The following RLN2 variants were observed in gnomAD, a reference collection of about 807,000 sequenced individuals.
RLN2 encodes the protein relaxin 2.
RLN2 carries 10 observed loss-of-function variants against 7.3 expected under a neutral mutation model. That is an observed-to-expected ratio of 1.36 (90% CI 0.84 to 2.31). The LOEUF is 2.31. Ranked by LOEUF, RLN2 falls within the 30% of genes most tolerant of loss-of-function variation. RLN2 has a pLI of 0.00. For synonymous variants in RLN2, 103 were observed against 82.3 expected, an observed-to-expected ratio of 1.25 and a Z score of -1.36; for missense variants, 298 against 217.6, an observed-to-expected ratio of 1.37 and a Z score of -2.32.
the RLN2 span, chr9:5,311,514 A>G: frequency 2.8e-6 from 2 of 714,104 alleles, no homozygotes; most frequent in Non-Finnish European, 5.1e-6. Flanking sequence ...ACCACAGAGA[A>G]GATCATGAGG....
the RLN2 span, chr9:5,335,180 C>G: frequency 2.3e-6 from 2 of 865,714 alleles, no homozygotes; most frequent in Non-Finnish European, 3.5e-6. Context: ...TGGGACCTGA[C>G]AGAAGCATCA....
the RLN2 span, among the ~76,000 whole-genome samples, chr9:5,324,770 G>A: frequency 1.3e-5 from 2 of 152,070 alleles, no homozygotes; most frequent in South Asian, 4.1e-4. Context: ...ACAGAGGCTG[G>A]CGTATTATTA....
the RLN2 span, among the ~76,000 whole-genome samples, chr9:5,320,813 T>C: frequency 5.2e-4 from 79 of 152,206 alleles, no homozygotes; most frequent in East Asian, 3.9e-3. Flanking sequence ...GGAAGAAAGA[T>C]AGTTCTGTCT....
the RLN2 span, among the ~76,000 whole-genome samples, chr9:5,315,816 A>C: frequency 7.2e-5 from 11 of 152,180 alleles, no homozygotes; most frequent in East Asian, 2.1e-3. Flanking sequence ...GAAAGAAAAA[A>C]ATTTTCAGGT....
the RLN2 span, among the ~76,000 whole-genome samples, chr9:5,310,789 T>C: frequency 6.6e-6 from 1 of 152,116 alleles, no homozygotes. Flanking sequence ...GTATCATTGC[T>C]GTCATTTATG....
the RLN2 span, among the ~76,000 whole-genome samples, chr9:5,327,636 G>A: frequency 6.6e-6 from 1 of 151,952 alleles, no homozygotes; most frequent in Admixed American, 6.6e-5. Flanking sequence ...AGCCTGACTG[G>A]GAAACACCTC....
At chr9:5,320,685 T>C in the RLN2 span, among the ~76,000 whole-genome samples, 5 of 152,092 alleles carry the variant, frequency 3.3e-5, no homozygotes, top group Non-Finnish European at 7.4e-5. Flanking sequence ...AAAAATAATT[T>C]AAATGAAACA....
the RLN2 span, among the ~76,000 whole-genome samples, chr9:5,315,718 T>C: frequency 2.6e-5 from 4 of 152,050 alleles, no homozygotes; most frequent in African/African-American, 7.3e-5. Context: ...TCAAATCATA[T>C]ATGAGAGGAT....
the RLN2 span, chr9:5,311,843 T>C: frequency 5.3e-6 from 3 of 568,210 alleles, no homozygotes; most frequent in African/African-American, 3.8e-5. Flanking sequence ...TTTTTTATTA[T>C]ACCTTAAGTT....
chr9:5,332,604 G>C, the RLN2 span, among the ~76,000 whole-genome samples: 2 of 149,148 alleles, frequency 1.3e-5, no homozygotes, highest in Non-Finnish European at 3.0e-5. Context: ...AGCAAGTTGA[G>C]GGGTCACTGA....
rs763001937 is a variant in RLN2 at position 5,304,596 on chromosome 9, T to C, written c.-16A>G. The C allele has an allele frequency of 6.2e-7, 1 of 1,612,600 alleles. No homozygotes were observed. Among genetic ancestry groups the C allele is most frequent in the South Asian group, 1.1e-5 (1 of 91,016 alleles). ...GGCGAGGCATCCTGGGCCTGGTCTCTCCTGGAGGTCGGGACGTTGCAGCCT... is the reference window on the plus strand; with the variant it reads ...GGCGAGGCATCCTGGGCCTGGTCTCCCCTGGAGGTCGGGACGTTGCAGCCT... On this transcript the variant is annotated 5_prime_UTR_variant, in exon 1 of 2. Coordinates refer to ENST00000381627, the MANE Select transcript of RLN2 (RefSeq NM_134441.3).
At chr9:5,332,839 A>G in the RLN2 span, among the ~76,000 whole-genome samples, 1 of 151,558 alleles carries the variant, frequency 6.6e-6, no homozygotes, top group Admixed American at 6.6e-5. Context: ...ATGGTCTCGA[A>G]CTCCTGACCT....
upstream of RLN2, among the ~76,000 whole-genome samples, chr9:5,307,527 A>G (rs1487139691): frequency 6.6e-6 from 1 of 151,808 alleles, no homozygotes; most frequent in Non-Finnish European, 1.5e-5. Flanking sequence ...ATATATTGAA[A>G]AGCAGTGAAT....
upstream of RLN2, among the ~76,000 whole-genome samples, chr9:5,307,473 G>A (rs1030719041): frequency 2.6e-5 from 4 of 151,926 alleles, no homozygotes; most frequent in African/African-American, 9.7e-5. Context: ...GTTTATACTA[G>A]ATGGTTTACC....
the RLN2 span, among the ~76,000 whole-genome samples, chr9:5,326,210 A>T: frequency 6.6e-6 from 1 of 152,154 alleles, no homozygotes; most frequent in Non-Finnish European, 1.5e-5. Context: ...TTATAACAAA[A>T]ACACAAACAT....
At position 5,299,947 on chromosome 9, in the gene RLN2, A is replaced by G. The variant is rs1285115418; in HGVS notation, c.*151T>C. 2 of 474,492 alleles carry G rather than the reference A, an allele frequency of 4.2e-6. No homozygotes were observed. Among genetic ancestry groups the G allele is most frequent in the African/African-American group, 4.0e-5 (2 of 50,244 alleles). 29.4% of individuals were successfully genotyped at this position (474,492 alleles called of 1,614,324 possible). A position where few individuals can be genotyped will look rare whatever the true frequency, so the allele number is the denominator to read the frequency against. ...TAAAAAAATCTAAACATCAACAAAGATGTTTAGATATTCTAAGAATTGATG... is the reference window on the plus strand; with the variant it reads ...TAAAAAAATCTAAACATCAACAAAGGTGTTTAGATATTCTAAGAATTGATG... On this transcript the variant is annotated 3_prime_UTR_variant, in exon 2 of 2. Coordinates refer to ENST00000381627, the MANE Select transcript of RLN2 (RefSeq NM_134441.3).
chr9:5,304,672 C>G lies in RLN2; in HGVS notation c.-92G>C. On this transcript the variant is annotated 5_prime_UTR_variant, in exon 1 of 2. Coordinates refer to ENST00000381627, the MANE Select transcript of RLN2 (RefSeq NM_134441.3). The stretch of plus-strand genomic sequence containing the variant: ...ACACACCTGGGCCTGTGTGCCTGTC[C>G]CGGGCTTTAGGCTGCTTTCCCTACC... 4 of 1,353,706 alleles carry G rather than the reference C, an allele frequency of 3.0e-6. No individual in the cohort carries two copies. The highest frequency in any genetic ancestry group is 4.2e-6 in the Non-Finnish European group (4 of 956,496). The allele number at this position is 1,353,706 out of a possible 1,614,324, so 83.9% of individuals were successfully genotyped here. A position where few individuals can be genotyped will look rare whatever the true frequency, so the allele number is the denominator to read the frequency against.
chr9:5,301,084 T>C lies in RLN2; in HGVS notation c.212-640A>G, dbSNP rs148074673. ...TAGTATTTTATATGAAAGAGAGAAG[T>C]GGGTTAAAAGAACACTAACCAAAAA... On this transcript the variant is annotated intron_variant, in intron 1 of 1. Transcript: ENST00000381627. Among the ~76,000 whole-genome samples, 176 of 152,298 alleles carry C rather than the reference T, an allele frequency of 1.2e-3. 1 individual carries two copies. The highest frequency in any genetic ancestry group is 3.9e-3 in the African/African-American group (164 of 41,556).
chr9:5,333,819 C>T, the RLN2 span, among the ~76,000 whole-genome samples: 18 of 152,156 alleles, frequency 1.2e-4, no homozygotes, highest in Admixed American at 5.2e-4. Context: ...AGCTTATCCA[C>T]CCCAATCAAG....
Sources: gnomAD v4.1 joint callset for allele counts (sites outside exome capture counted in the v4.1 genomes callset) on GRCh38, gnomAD v4.1.1 for gene constraint, MANE v1.5 for transcripts, NCBI Gene and HGNC (gene_info 2026-07-23, HGNC 2026-07-21) for gene names.